DLGAP2: variants seen among roughly 807,000 people sequenced by gnomAD.
DLGAP2 encodes the protein disks large-associated protein 2.
A neutral mutation model predicts 100.3 loss-of-function variants in DLGAP2; 26 were observed. The observed-to-expected ratio is 0.26, with a 90% CI of 0.19 to 0.36. The LOEUF is 0.36. Ranked by LOEUF, DLGAP2 falls within the 10% of genes least tolerant of loss-of-function variation. The pLI is 1.00. For missense variants in DLGAP2, 1,858 were observed against 1,453.2 expected, an observed-to-expected ratio of 1.28 and a Z score of -4.53; for synonymous variants, 886 against 630.1, an observed-to-expected ratio of 1.41 and a Z score of -6.08.
intron 3 of DLGAP2, among the ~76,000 whole-genome samples, chr8:1,493,052 A>G (rs1182477890): frequency 6.6e-6 from 1 of 152,208 alleles, no homozygotes; most frequent in African/African-American, 2.4e-5. Flanking sequence ...GGCTGCACAG[A>G]GATTCAGCCT....
intron 2 of DLGAP2, among the ~76,000 whole-genome samples, chr8:1,181,435 T>G (rs1168502960): frequency 6.6e-6 from 1 of 152,120 alleles, no homozygotes. Flanking sequence ...GCAGGGCACG[T>G]GATCTCATTC....
intron 1 of DLGAP2, among the ~76,000 whole-genome samples, chr8:889,760 ACAG>A (rs2128995280): frequency 6.6e-6 from 1 of 152,298 alleles, no homozygotes; most frequent in East Asian, 1.9e-4. Flanking sequence ...AACAGCTTAG[ACAG>A]CAGGCCGCTG....
At chr8:928,816 G>C (rs1798876820) in intron 2 of DLGAP2, among the ~76,000 whole-genome samples, 1 of 152,018 alleles carries the variant, frequency 6.6e-6, no homozygotes, top group African/African-American at 2.4e-5. Flanking sequence ...CTGTTGCGAA[G>C]CCTGATTTCA....
chr8:905,727 G>C (rs956675654), intron 1 of DLGAP2, among the ~76,000 whole-genome samples: 1 of 152,096 alleles, frequency 6.6e-6, no homozygotes, highest in African/African-American at 2.4e-5. Context: ...CATTTGAGGG[G>C]GGCGCCAGCT....
At chr8:1,591,541 A>ACTCAAC (rs1554504238) in intron 6 of DLGAP2, among the ~76,000 whole-genome samples, 12 of 150,760 alleles carry the variant, frequency 8.0e-5, no homozygotes, top group African/African-American at 2.9e-4. Context: ...CCCTCCTCCC[A>ACTCAAC]CTCCACCTCC....
chr8:1,639,603 A>G (rs1438553922), intron 8 of DLGAP2, among the ~76,000 whole-genome samples: 1 of 152,192 alleles, frequency 6.6e-6, no homozygotes. Context: ...TTTGTCTCAT[A>G]TTTGCAGCTG....
At chr8:1,122,696 G>A (rs1796078392) in intron 2 of DLGAP2, among the ~76,000 whole-genome samples, 1 of 151,686 alleles carries the variant, frequency 6.6e-6, no homozygotes, top group Non-Finnish European at 1.5e-5. Flanking sequence ...TAAAGTAGAA[G>A]CTATACTCCC....
At position 1,640,847 on chromosome 8, in the gene DLGAP2, C is replaced by A. The variant is rs1187697229; in HGVS notation, c.1810+7801C>A. Among the ~76,000 whole-genome samples, 5 of 152,212 alleles carry A rather than the reference C, an allele frequency of 3.3e-5. No individual in the cohort carries two copies. In the South Asian group the frequency reaches 8.3e-4, roughly 25 times the overall value. ...AGATACCTAAAAGATGAAAACTAATCTTTGTGATTTTCATTGTCTTTGATT... is the reference window on the plus strand; with the variant it reads ...AGATACCTAAAAGATGAAAACTAATATTTGTGATTTTCATTGTCTTTGATT... On this transcript the variant is annotated intron_variant, in intron 8 of 14. Coordinates refer to ENST00000637795, the MANE Select transcript of DLGAP2 (RefSeq NM_001346810.2).
chr8:946,544 T>G (rs551659900), intron 2 of DLGAP2, among the ~76,000 whole-genome samples: 2 of 152,108 alleles, frequency 1.3e-5, no homozygotes, highest in East Asian at 3.9e-4. Flanking sequence ...ATTACAGGCG[T>G]GAGCCACCGC....
chr8:1,191,400 G>A (rs1268318276), intron 2 of DLGAP2, among the ~76,000 whole-genome samples: 5 of 152,114 alleles, frequency 3.3e-5, no homozygotes, highest in Admixed American at 6.5e-5. Context: ...TTGATCTCCT[G>A]ACCTTGTGAT....
chr8:762,348 G>C (rs978544335), intron 1 of DLGAP2, among the ~76,000 whole-genome samples: 1 of 152,194 alleles, frequency 6.6e-6, no homozygotes. Context: ...AATGTAAATT[G>C]TATTTGCATA....
intron 2 of DLGAP2, among the ~76,000 whole-genome samples, chr8:1,199,584 C>T (rs55755424): frequency 0.098 from 14,833 of 152,118 alleles, 795 homozygotes; most frequent in East Asian, 0.18. Context: ...GTAATGACCT[C>T]GGGAAACACC....
chr8:1,081,357 A>G (rs1803802107), intron 2 of DLGAP2, among the ~76,000 whole-genome samples: 2 of 152,188 alleles, frequency 1.3e-5, no homozygotes, highest in Admixed American at 6.5e-5. Flanking sequence ...AGGTTTTAAG[A>G]GAAAGTTTTT....
At chr8:859,733 T>C (rs539418163) in intron 1 of DLGAP2, among the ~76,000 whole-genome samples, 1 of 152,268 alleles carries the variant, frequency 6.6e-6, no homozygotes, top group East Asian at 1.9e-4. Context: ...GCATTCACTC[T>C]GGCAGGTGAT....
chr8:1,039,397 A>C (rs200546514), intron 2 of DLGAP2, among the ~76,000 whole-genome samples: 158 of 91,996 alleles, frequency 1.7e-3, no homozygotes, highest in Admixed American at 4.5e-3. Context: ...TTTCCGTGCT[A>C]AGCTTGGTTT....
chr8:1,386,745 C>G (rs933965487), intron 3 of DLGAP2, among the ~76,000 whole-genome samples: 8 of 152,008 alleles, frequency 5.3e-5, no homozygotes, highest in Admixed American at 4.6e-4. Flanking sequence ...GGAGGAAAGC[C>G]CAGGCCACAC....
At chr8:1,511,505 G>A (rs553287072) in intron 4 of DLGAP2, among the ~76,000 whole-genome samples, 5 of 151,532 alleles carry the variant, frequency 3.3e-5, no homozygotes, top group African/African-American at 7.3e-5. Context: ...TTCCATGGGC[G>A]TAAGTGCTGT....
intron 2 of DLGAP2, among the ~76,000 whole-genome samples, chr8:1,183,044 C>G (rs933573271): frequency 6.6e-6 from 1 of 152,156 alleles, no homozygotes; most frequent in Non-Finnish European, 1.5e-5. Flanking sequence ...GATTTACTCA[C>G]CCAGCAGCGG....
intron 1 of DLGAP2, among the ~76,000 whole-genome samples, chr8:899,872 G>A (rs578130273): frequency 1.3e-5 from 2 of 152,198 alleles, no homozygotes; most frequent in Non-Finnish European, 1.5e-5. Context: ...CCACTTATTT[G>A]TTATGTGAAC....
Sources: gnomAD v4.1 joint callset for allele counts (sites outside exome capture counted in the v4.1 genomes callset) on GRCh38, gnomAD v4.1.1 for gene constraint, MANE v1.5 for transcripts, NCBI Gene and HGNC (gene_info 2026-07-23, HGNC 2026-07-21) for gene names.